Variants in KDM2B observed in about 807,000 individuals in gnomAD.
KDM2B encodes the protein lysine demethylase 2B, also known as lysine-specific demethylase 2B.
A neutral mutation model predicts 150.0 loss-of-function variants in KDM2B; 26 were observed. The ratio of observed to expected loss-of-function variants is 0.17; its 90% CI spans 0.13 to 0.24. The LOEUF is 0.24. KDM2B is among the 10% of genes least tolerant of loss of function. The pLI is 1.00. For missense variants in KDM2B, 1,265 were observed against 1,816.9 expected (o/e 0.70, Z 5.52); for synonymous variants, 734 against 729.5 (o/e 1.01, Z -0.10).
At chr12:121,441,899 C>A (rs11065579) in intron 19 of KDM2B, among the ~76,000 whole-genome samples, 52,275 of 152,118 alleles carry the variant, frequency 0.34, 9,709 homozygotes, top group East Asian at 0.44. Flanking sequence ...TTGCTGGAAA[C>A]CTGGACTAAC....
Position 121,453,044 on chromosome 12 carries a change from C to A in KDM2B, c.1959+76G>T. 5 of 1,287,876 alleles carry A rather than the reference C, an allele frequency of 3.9e-6. No homozygotes were observed. Among genetic ancestry groups the A allele is most frequent in the Non-Finnish European group, 4.2e-6 (4 of 949,294 alleles). The allele number at this position is 1,287,876 out of a possible 1,614,324, so 79.8% of individuals were successfully genotyped here. On this transcript the variant is annotated intron_variant, in intron 13 of 22. Transcript: ENST00000377071. This position sits in a 1 kb window ranked among gnomAD's most constrained non-coding sequence, Gnocchi z 6.4. Reference sequence around the variant, plus strand: ...TCTGTGTGCGGAGGGGCGGCCAGAGCGAGCAGCGGTCAGACACGCGGGCCG... The same window carrying A: ...TCTGTGTGCGGAGGGGCGGCCAGAGAGAGCAGCGGTCAGACACGCGGGCCG...
Position 121,429,913 on chromosome 12 carries a change from C to T in KDM2B, c.*375G>A. The T allele has an allele frequency of 1.6e-6, 1 of 614,730 alleles. No homozygotes were observed. Among genetic ancestry groups the T allele is most frequent in the Admixed American group, 2.9e-5 (1 of 34,194 alleles). The allele number at this position is 614,730 out of a possible 1,614,324, so 38.1% of individuals were successfully genotyped here. ...TGTGTGGTCCACTTTATGTCAACAC[C>T]CAAAACCTCGGTGTTGCAAGGAATG... is the stretch of plus-strand genomic sequence containing the variant. On this transcript the variant is annotated 3_prime_UTR_variant, in exon 23 of 23. Coordinates refer to ENST00000377071, the MANE Select transcript of KDM2B (RefSeq NM_032590.5).
At position 121,504,409 on chromosome 12, in the gene KDM2B, C is replaced by A. The variant is rs1303516832; in HGVS notation, c.1647+5158G>T. On this transcript the variant is annotated intron_variant, in intron 11 of 22. Coordinates refer to ENST00000377071, the MANE Select transcript of KDM2B (RefSeq NM_032590.5). ...AATTAACTGGGAGTAGTGGCATATG[C>A]CTGTAGTCCCAGCTACTTGGGAAGC... Among the ~76,000 whole-genome samples the A allele has an allele frequency of 2.0e-5, 3 of 152,200 alleles. No homozygotes were observed. The East Asian group carries it at 5.8e-4, about 29-fold the overall frequency.
chr12:121,531,153 C>T (rs1472488567), intron 8 of KDM2B, among the ~76,000 whole-genome samples: 2 of 152,124 alleles, frequency 1.3e-5, no homozygotes, highest in African/African-American at 2.4e-5. Context: ...CCCCTATAAA[C>T]GCTGACCACC....
Position 121,575,933 on chromosome 12 carries a change from G to A in KDM2B, c.272-74C>T. On this transcript the variant is annotated intron_variant, in intron 2 of 22. Transcript: ENST00000377071. This position sits in a 1 kb window ranked among gnomAD's most constrained non-coding sequence, Gnocchi z 4.4. ...AAATGAACCGGGATCTGTTGGTTAG[G>A]GGAAGAAAACTGATGGACGAAGGGG... The A allele has an allele frequency of 8.5e-7, 1 of 1,179,082 alleles. No individual in the cohort carries two copies. Among genetic ancestry groups the A allele is most frequent in the Admixed American group, 1.7e-5 (1 of 59,044 alleles). 73.0% of individuals were successfully genotyped at this position (1,179,082 alleles called of 1,614,324 possible). A position where few individuals can be genotyped will look rare whatever the true frequency, so the allele number is the denominator to read the frequency against.
At chr12:121,490,813 T>C (rs1046701157) in intron 12 of KDM2B, among the ~76,000 whole-genome samples, 1 of 152,176 alleles carries the variant, frequency 6.6e-6, no homozygotes, top group Non-Finnish European at 1.5e-5. Context: ...ACCTAATCAG[T>C]TCCAGAAAAG....
At position 121,521,075 on chromosome 12, in the gene KDM2B, A is replaced by C. The variant is rs782821173; in HGVS notation, c.957T>G (p.Pro319=). 2 of 1,613,716 alleles carry C rather than the reference A, an allele frequency of 1.2e-6. No individual in the cohort carries two copies. Among genetic ancestry groups the C allele is most frequent in the Admixed American group, 3.3e-5 (2 of 60,002 alleles). The change falls in exon 9 of 23, where the codon CCT becomes CCG. Residue 319 remains proline (P), a synonymous_variant. Coordinates refer to ENST00000377071, the MANE Select transcript of KDM2B (RefSeq NM_032590.5). This position sits in a 1 kb window ranked among gnomAD's most constrained non-coding sequence, Gnocchi z 4.9. ...PSGWIHAVYT[P]VDSLVFGGNI... ...TTCCGCCGAACACCAAAGAGTCTAC[A>C]GGGGTGTAGACGGCATGGATCCAAC...
chr12:121,529,799 G>A (rs781967110), intron 8 of KDM2B, among the ~76,000 whole-genome samples: 10 of 151,914 alleles, frequency 6.6e-5, no homozygotes, highest in Admixed American at 2.0e-4. Flanking sequence ...GCATGGTGGC[G>A]TGTACCTGTA....
intron 12 of KDM2B, among the ~76,000 whole-genome samples, chr12:121,483,878 T>A (rs868983027): frequency 6.6e-6 from 1 of 151,838 alleles, no homozygotes; most frequent in Admixed American, 6.6e-5. Flanking sequence ...AGAGGTTTGA[T>A]TGACAAAACG....
chr12:121,522,295 C>T (rs1886758741), intron 8 of KDM2B, among the ~76,000 whole-genome samples: 1 of 151,624 alleles, frequency 6.6e-6, no homozygotes, highest in African/African-American at 2.4e-5. Flanking sequence ...GTGGGCGGAT[C>T]ACCTGAGGTC....
At chr12:121,494,494 A>T in intron 12 of KDM2B, 85 bp downstream of exon 12, 1 of 952,430 alleles carries the variant, frequency 1.0e-6, no homozygotes, top group Non-Finnish European at 1.7e-6. Context: ...CCCCATAGCT[A>T]CCCAAAAAGT....
intron 6 of KDM2B, chr12:121,536,109 C>CCGGCA (rs1888072828): frequency 1.0e-6 from 1 of 985,582 alleles, no homozygotes; most frequent in Non-Finnish European, 1.2e-6. Context: ...CAGCAGCGCG[C>CCGGCA]CGGCACGAGT....
intron 12 of KDM2B, among the ~76,000 whole-genome samples, chr12:121,460,677 G>A (rs1004910781): frequency 3.9e-5 from 6 of 152,196 alleles, no homozygotes; most frequent in African/African-American, 1.4e-4. Context: ...CAAAGTGCTA[G>A]GATTACAGGT....
intron 6 of KDM2B, among the ~76,000 whole-genome samples, chr12:121,536,951 C>T (rs552135443): frequency 6.6e-6 from 1 of 152,316 alleles, no homozygotes; most frequent in African/African-American, 2.4e-5. Flanking sequence ...AGAAAAGAAT[C>T]GCTGCAAGCT....
intron 12 of KDM2B, among the ~76,000 whole-genome samples, chr12:121,466,791 C>G (rs1880034980): frequency 6.9e-6 from 1 of 145,974 alleles, no homozygotes; most frequent in African/African-American, 2.5e-5. Flanking sequence ...GCGTGGGCCG[C>G]GGGCGAGGGC....
rs188844423 is a variant in KDM2B, at chr12:121,496,768, G to A, written c.1648-2103C>T. ...CAGCCCCCCAAAGTGCTGGGAGTGC[G>A]GATGTGAGCCCCCCAAAGTGCTGGG... On this transcript the variant is annotated intron_variant, in intron 11 of 22. Coordinates refer to ENST00000377071, the MANE Select transcript of KDM2B (RefSeq NM_032590.5). Among the ~76,000 whole-genome samples the A allele has an allele frequency of 3.9e-3, 595 of 150,642 alleles. 5 individuals are homozygous for A. Among genetic ancestry groups the A allele is most frequent in the African/African-American group, 0.014 (564 of 40,974 alleles).
At chr12:121,534,375 A>G in intron 7 of KDM2B, 122 bp downstream of exon 7, 1 of 709,808 alleles carries the variant, frequency 1.4e-6, no homozygotes, top group Admixed American at 2.3e-5. Flanking sequence ...AGTAATCCTT[A>G]AAGTACTCCT....
At chr12:121,420,358 T>C in the KDM2B span, 1 of 1,555,320 alleles carries the variant, frequency 6.4e-7, no homozygotes, top group African/African-American at 1.4e-5. Flanking sequence ...TAAAATTTGG[T>C]TTCCCTGACA....
rs373758338 is a variant in KDM2B at position 121,473,188 on chromosome 12, C to T, written c.1735-19844G>A. ...GGAGGATCACTTGAGGTTAGGAGTT[C>T]GAGACCAGCCTGGTTGACATGGTGA... is the stretch of plus-strand genomic sequence containing the variant. On this transcript the variant is annotated intron_variant, in intron 12 of 22. Coordinates refer to ENST00000377071, the MANE Select transcript of KDM2B (RefSeq NM_032590.5). Among the ~76,000 whole-genome samples, 16 of 151,704 alleles carry T rather than the reference C, an allele frequency of 1.1e-4. 1 individual carries two copies. The East Asian group carries it at 2.1e-3, about 20-fold the overall frequency.
Sources: allele counts gnomAD v4.1 joint callset (sites outside exome capture counted in the v4.1 genomes callset), GRCh38; gene constraint gnomAD v4.1.1; non-coding constraint Gnocchi (gnomAD v3.1); transcripts MANE v1.5; gene names NCBI Gene and HGNC (gene_info 2026-07-23, HGNC 2026-07-21).